The following GDF1 variants were observed in gnomAD, a reference collection of about 807,000 sequenced individuals.
GDF1 encodes the protein embryonic growth/differentiation factor 1.
In GDF1, 8 loss-of-function variants were observed where a neutral mutation model predicts 7.4. The observed-to-expected ratio is 1.09, with a 90% CI of 0.64 to 1.96. The LOEUF is 1.96. Among genes scored for constraint, GDF1 ranks in the 30% most tolerant of loss-of-function variants. GDF1 has a pLI of 0.00. For synonymous variants in GDF1, 311 were observed against 276.7 expected (o/e 1.12, Z -1.23); for missense variants, 574 against 551.5 (o/e 1.04, Z -0.41).
rs890670309 is a variant in GDF1, at chr19:18,878,325, G to A, written c.-313+605C>T. 6.9e-5 allele frequency: 68 copies of A among 983,762 alleles called. No homozygotes were observed. Among genetic ancestry groups the A allele is most frequent in the Non-Finnish European group, 7.6e-5 (63 of 829,750 alleles). The allele number at this position is 983,762 out of a possible 1,614,324, so 60.9% of individuals were successfully genotyped here. ...CTGCCTGCCCCAGGCCTGGGGCTTC[G>A]GACACCATCTGGCTGTCACCCAGGG... is the stretch of plus-strand genomic sequence containing the variant. On this transcript the variant is annotated intron_variant, in intron 6 of 7. Transcript: ENST00000247005. This position sits in a 1 kb window ranked among gnomAD's most constrained non-coding sequence, Gnocchi z 4.6.
At position 18,870,117 on chromosome 19, in the gene GDF1, C is replaced by A; in HGVS notation, c.191G>T (p.Arg64Leu). The change falls in exon 7 of 8, where the codon CGC becomes CTC. Residue 64 changes from arginine (R) to leucine (L), a missense_variant. Transcript: ENST00000247005. This position sits in a 1 kb window ranked among gnomAD's most constrained non-coding sequence, Gnocchi z 5.1. The stretch of plus-strand genomic sequence containing the variant: ...CTGGGGGTCCCGGCGTCGAAACAGG[C>A]GCCACATGACCGGGGGAACCGGCCG... The part of the protein sequence containing the change: ...RLRPVPPVMW[R>L]LFRRRDPQET... 6.4e-7 allele frequency: 1 copy of A among 1,566,528 alleles called. No homozygotes were observed. Among genetic ancestry groups the A allele is most frequent in the Non-Finnish European group, 8.6e-7 (1 of 1,161,316 alleles).
At chr19:18,877,981 C>G (rs1358335066) in intron 6 of GDF1, 1 of 985,354 alleles carries the variant, frequency 1.0e-6, no homozygotes, top group Admixed American at 6.2e-5. Flanking sequence ...TTCTCCCTTC[C>G]AAACAGGGTG....
At chr19:18,891,039 G>A (rs371706833) in intron 2 of GDF1, among the ~76,000 whole-genome samples, 3 of 151,928 alleles carry the variant, frequency 2.0e-5, no homozygotes, top group East Asian at 1.9e-4. Context: ...CAGGAGAATC[G>A]CTTGAACCTG....
Position 18,893,535 on chromosome 19 carries a change from G to A in GDF1, c.-1033C>T. ...CTTCCAAGCGCTCTCGGGCATCTTG[G>A]CGGCATCTCTGGGCTGGAGGCAGCA... On this transcript the variant is annotated 5_prime_UTR_variant, in exon 2 of 8. Coordinates refer to ENST00000247005, the MANE Select transcript of GDF1 (RefSeq NM_001492.6). 1 of 1,610,942 alleles carries A rather than the reference G, an allele frequency of 6.2e-7. No homozygotes were observed. The highest frequency in any genetic ancestry group is 8.5e-7 in the Non-Finnish European group (1 of 1,178,924).
At chr19:18,882,444 C>G (rs1172019997) in intron 3 of GDF1, among the ~76,000 whole-genome samples, 1 of 151,438 alleles carries the variant, frequency 6.6e-6, no homozygotes, top group Admixed American at 6.6e-5. Flanking sequence ...TCCAGCCTGG[C>G]CAACATGGTG....
At chr19:18,869,533 G>C in intron 7 of GDF1, 143 bp from the exon 8 acceptor site, 2 of 926,088 alleles carry the variant, frequency 2.2e-6, no homozygotes, top group Non-Finnish European at 2.9e-6. Context: ...GGGGTGGGCT[G>C]ATGGAGTGGG....
At chr19:18,890,724 T>G (rs1454443375) in intron 2 of GDF1, among the ~76,000 whole-genome samples, 1 of 143,292 alleles carries the variant, frequency 7.0e-6, no homozygotes, top group Non-Finnish European at 1.5e-5. Flanking sequence ...CAGGCTGCAG[T>G]GAGCTGTGAT....
At chr19:18,886,439 C>T (rs1179731278) in intron 2 of GDF1, among the ~76,000 whole-genome samples, 1 of 152,074 alleles carries the variant, frequency 6.6e-6, no homozygotes, top group Admixed American at 6.5e-5. Context: ...GTCCCAGCTA[C>T]TCGGGAGGCT....
In GDF1 at chr19:18,870,675, CTCTTTCCCGCT is replaced by C; in HGVS notation, c.-312-67_-312-57del. ...GGGAGCCCCACGCGGCCGCCTGGCC[CTCTTTCCCGCT>C]TCTTCTCTGGCCGTTTCACACCCCC... is the stretch of plus-strand genomic sequence containing the variant. On this transcript the variant is annotated intron_variant, in intron 6 of 7. Coordinates refer to ENST00000247005, the MANE Select transcript of GDF1 (RefSeq NM_001492.6). This position sits in a 1 kb window ranked among gnomAD's most constrained non-coding sequence, Gnocchi z 5.1. The C allele has an allele frequency of 3.9e-6, 2 of 510,952 alleles. No individual in the cohort carries two copies. The highest frequency in any genetic ancestry group is 7.1e-6 in the Non-Finnish European group (2 of 282,182). The allele number at this position is 510,952 out of a possible 1,614,324, so 31.7% of individuals were successfully genotyped here.
At position 18,868,923 on chromosome 19, in the gene GDF1, C is replaced by A; in HGVS notation, c.793G>T (p.Gly265Cys). 1 of 1,337,758 alleles carries A rather than the reference C, an allele frequency of 7.5e-7. No homozygotes were observed. The highest frequency in any genetic ancestry group is 9.7e-7 in the Non-Finnish European group (1 of 1,035,400). 82.9% of individuals were successfully genotyped at this position (1,337,758 alleles called of 1,614,324 possible). A position where few individuals can be genotyped will look rare whatever the true frequency, so the allele number is the denominator to read the frequency against. Residue 265 changes from glycine (G) to cysteine (C), a missense_variant, in exon 8 of 8, where the codon GGC becomes TGC. Physicochemically the swap from Gly to Cys is radical, Grantham distance 159 (BLOSUM62 -3). Coordinates refer to ENST00000247005, the MANE Select transcript of GDF1 (RefSeq NM_001492.6). ...TACAGCCGCCGCGCGCGACAAGCGC[C>A]CCCGGGGCCGCCGCCCAACACGGGT... ...AEPVLGGGPGGACRARRLYVS... is the reference protein window; with the variant it reads ...AEPVLGGGPGCACRARRLYVS...
intron 2 of GDF1, among the ~76,000 whole-genome samples, chr19:18,889,289 A>C (rs1270324225): frequency 6.6e-6 from 1 of 152,164 alleles, no homozygotes; most frequent in East Asian, 1.9e-4. Flanking sequence ...TGTGAGCCCG[A>C]GCTTTTGCCC....
chr19:18,878,985 C>G lies in GDF1; in HGVS notation c.-368G>C. 1 of 1,613,848 alleles carries G rather than the reference C, an allele frequency of 6.2e-7. No homozygotes were observed. Among genetic ancestry groups the G allele is most frequent in the Non-Finnish European group, 8.5e-7 (1 of 1,179,852 alleles). ...TCGGCTGTGTCATACTCCCGCAGGTCCTTCAGCTCGTGCACCTGGCCTGTC... is the reference window on the plus strand; with the variant it reads ...TCGGCTGTGTCATACTCCCGCAGGTGCTTCAGCTCGTGCACCTGGCCTGTC... On this transcript the variant is annotated 5_prime_UTR_variant, in exon 6 of 8. Transcript: ENST00000247005. This position sits in a 1 kb window ranked among gnomAD's most constrained non-coding sequence, Gnocchi z 4.6.
intron 2 of GDF1, among the ~76,000 whole-genome samples, chr19:18,888,317 C>T (rs1195915415): frequency 6.6e-6 from 1 of 151,444 alleles, no homozygotes; most frequent in Non-Finnish European, 1.5e-5. Context: ...TGAGATGGTG[C>T]CACCGCACTC....
rs36074874 is a variant in GDF1, at chr19:18,884,709, C to CTTTTTTTTT, written c.-913-451_-913-443dup. ...GGCGTGAGCCACCCCGCCCAGCCGT[C>CTTTTTTTTT]TTTTTTTTTTTTTTTTTTTTTTTGA... On this transcript the variant is annotated intron_variant, in intron 2 of 7. Transcript: ENST00000247005. 4.3e-5 allele frequency among the ~76,000 whole-genome samples: 3 copies of CTTTTTTTTT among 69,128 alleles called. 1 individual carries two copies. The highest frequency in any genetic ancestry group is 1.8e-4 in the African/African-American group (3 of 16,334). 45.4% of individuals were successfully genotyped at this position (69,128 alleles called of 152,430 possible).
intron 3 of GDF1, among the ~76,000 whole-genome samples, chr19:18,881,191 C>T (rs1469314591): frequency 1.3e-5 from 2 of 151,864 alleles, no homozygotes; most frequent in Non-Finnish European, 2.9e-5. Context: ...AGGCCTCTGC[C>T]GCAGCCCATC....
chr19:18,872,804 G>T (rs540175924), intron 6 of GDF1, among the ~76,000 whole-genome samples: 2 of 150,732 alleles, frequency 1.3e-5, no homozygotes, highest in East Asian at 3.9e-4. Context: ...CGTGAGCGCC[G>T]CGCCTGGCTA....
At chr19:18,894,461 T>C (rs2056575908) in intron 1 of GDF1, among the ~76,000 whole-genome samples, 2 of 152,058 alleles carry the variant, frequency 1.3e-5, no homozygotes, top group Non-Finnish European at 2.9e-5. Flanking sequence ...CCTCCACCCA[T>C]TTCTGAGGAA....
In GDF1 at chr19:18,878,085, G is replaced by C. The variant is rs1358921739; in HGVS notation, c.-313+845C>G. The stretch of plus-strand genomic sequence containing the variant: ...GTTCCAAAAAACGTCACGGAGCTCT[G>C]AGCCACTGCTTCCCTGAAACCATCG... On this transcript the variant is annotated intron_variant, in intron 6 of 7. Transcript: ENST00000247005. This position sits in a 1 kb window ranked among gnomAD's most constrained non-coding sequence, Gnocchi z 4.6. The C allele has an allele frequency of 1.0e-6, 1 of 985,390 alleles. No homozygotes were observed. The highest frequency in any genetic ancestry group is 1.7e-5 in the African/African-American group (1 of 57,196). The allele number at this position is 985,390 out of a possible 1,614,324, so 61.0% of individuals were successfully genotyped here. A position where few individuals can be genotyped will look rare whatever the true frequency, so the allele number is the denominator to read the frequency against.
intron 3 of GDF1, chr19:18,883,366 A>G (rs961260386): frequency 6.6e-6 from 1 of 152,160 alleles, no homozygotes; most frequent in African/African-American, 2.4e-5. Context: ...TGTCATTTCA[A>G]TATGGAGTCG....
Sources: gnomAD v4.1 joint callset for allele counts (sites outside exome capture counted in the v4.1 genomes callset) on GRCh38, gnomAD v4.1.1 for gene constraint, Gnocchi (gnomAD v3.1) non-coding constraint, MANE v1.5 for transcripts, NCBI Gene and HGNC (gene_info 2026-07-23, HGNC 2026-07-21) for gene names.